The following NBPF14 variants were observed in gnomAD, a reference collection of about 807,000 sequenced individuals.
NBPF14 encodes NBPF member 14, also known as NBPF family member NBPF14.
In NBPF14, 104 loss-of-function variants were observed where a neutral mutation model predicts 91.2. That is an observed-to-expected ratio of 1.14 (90% CI 0.97 to 1.34). The LOEUF (loss-of-function observed/expected upper bound fraction) is 1.34. NBPF14 is among the 40% of genes most tolerant of loss of function. NBPF14 has a pLI of 0.00. For missense variants in NBPF14, 908 were observed against 783.0 expected (o/e 1.16, Z -1.91); for synonymous variants, 294 against 303.8 (o/e 0.97, Z 0.34).
At chr1:148,585,145 G>A (rs1454103639) in exon 10 of NBPF14, 3 of 1,514,122 alleles carry the variant, frequency 2.0e-6, no homozygotes, top group Non-Finnish European at 2.7e-6. Context: ...TGTTACCTGG[G>A]GGCAGACGAT....
At chr1:148,572,716 A>T in intron 20 of NBPF14, 101 bp from the exon 21 acceptor site, 2 of 644,872 alleles carry the variant, frequency 3.1e-6, no homozygotes, top group Admixed American at 2.1e-5. Context: ...TTTGAAAAGA[A>T]AAAGGACAGA....
Position 148,572,436 on chromosome 1 carries a change from T to G in NBPF14, c.2758+7A>C. 4.1e-6 allele frequency: 2 copies of G among 489,078 alleles called. No homozygotes were observed. The highest frequency in any genetic ancestry group is 6.9e-6 in the Non-Finnish European group (2 of 288,276). The allele number at this position is 489,078 out of a possible 1,614,324, so 30.3% of individuals were successfully genotyped here. On this transcript the variant is annotated splice_region_variant and intron_variant, in intron 21 of 70. Transcript: ENST00000619423. ...GAGGCTTATCACCTTCACAGTAAGG[T>G]ACTCACTGTCCACGTCAAGAGCCAA...
chr1:148,589,760 TCTCA>T (rs1168484562), intron 6 of NBPF14, among the ~76,000 whole-genome samples: 1 of 145,784 alleles, frequency 6.9e-6, no homozygotes, highest in Non-Finnish European at 1.5e-5. Context: ...TGAGACGGAG[TCTCA>T]CTCTGTCACG....
At position 148,534,745 on chromosome 1, in the gene NBPF14, G is replaced by C. The variant is rs1455128881; in HGVS notation, c.8553C>G (p.Pro2851=). 4.0e-5 allele frequency: 33 copies of C among 826,110 alleles called. No homozygotes were observed. The East Asian group carries it at 7.5e-4, about 19-fold the overall frequency. 51.2% of individuals were successfully genotyped at this position (826,110 alleles called of 1,614,324 possible). The stretch of plus-strand genomic sequence containing the variant: ...CCAATGAGTAAACAGCACTGCTGTA[G>C]GGCTGGCCTAAGTCAGGCAGTTCAA... The change falls in exon 69 of 71, where the codon CCC becomes CCG. Residue 2851 remains proline, a synonymous_variant. Transcript: ENST00000619423.
chr1:148,577,040 A>G (rs1227795098), intron 15 of NBPF14, 143 bp downstream of exon 15: 1 of 642,004 alleles, frequency 1.6e-6, no homozygotes, highest in African/African-American at 1.8e-5. Context: ...GTGGAACTAG[A>G]GTTTCATTCA....
At chr1:148,534,493 C>G (rs1379020764) in intron 69 of NBPF14, among the ~76,000 whole-genome samples, 191 bp downstream of exon 69, 1 of 151,800 alleles carries the variant, frequency 6.6e-6, no homozygotes, top group African/African-American at 2.4e-5. Flanking sequence ...GGAAGAGAGT[C>G]TTGCTCACTG....
rs1317254740 is a variant in NBPF14 at position 148,595,401 on chromosome 1, C to A, written c.175+142G>T. The A allele has an allele frequency of 7.5e-6, 8 of 1,069,174 alleles. 1 individual carries two copies. The highest frequency in any genetic ancestry group is 9.6e-6 in the Non-Finnish European group (7 of 730,866). The allele number at this position is 1,069,174 out of a possible 1,614,324, so 66.2% of individuals were successfully genotyped here. On this transcript the variant is annotated intron_variant, in intron 2 of 70. Coordinates refer to ENST00000619423, the Ensembl canonical transcript of NBPF14. ...TGGCACCTCTGTCTTCCAACTTTAA[C>A]AAAATGTTAAAATACCCATTTCTGT...
chr1:148,572,390 C>T lies in NBPF14; in HGVS notation c.2758+53G>A, dbSNP rs1306159154. 9.8e-5 allele frequency: 39 copies of T among 398,228 alleles called. 3 individuals are homozygous for T. The East Asian group carries it at 1.5e-3, about 15-fold the overall frequency. 24.7% of individuals were successfully genotyped at this position (398,228 alleles called of 1,614,324 possible). On this transcript the variant is annotated intron_variant, in intron 21 of 70. Transcript: ENST00000619423. Reference sequence around the variant, plus strand: ...GGGGCACTTGGAACAGGAATATCACCCCTATCTGGAAGACCAGGTGGAGGC... The same window carrying T: ...GGGGCACTTGGAACAGGAATATCACTCCTATCTGGAAGACCAGGTGGAGGC...
chr1:148,585,967 C>T (rs1395984406), intron 9 of NBPF14, among the ~76,000 whole-genome samples: 1 of 151,120 alleles, frequency 6.6e-6, no homozygotes, highest in African/African-American at 2.4e-5. Context: ...CTCTAACAAG[C>T]CTGCTCCCAT....
intron 28 of NBPF14, 151 bp from the exon 29 acceptor site, chr1:148,566,466 G>A (rs1157809366): frequency 5.0e-6 from 3 of 598,146 alleles, no homozygotes; most frequent in Admixed American, 5.8e-5. Context: ...TTCATGTTGG[G>A]ACAGAACAGG....
At chr1:148,560,203 G>C (rs1483769506) in intron 36 of NBPF14, among the ~76,000 whole-genome samples, 2 of 151,280 alleles carry the variant, frequency 1.3e-5, no homozygotes, top group African/African-American at 4.9e-5. Flanking sequence ...CAGAGAGAAA[G>C]TGACCTAGTG....
Position 148,559,974 on chromosome 1 carries a change from G to A in NBPF14, c.4557-9C>T. The A allele has an allele frequency of 7.8e-7, 1 of 1,281,484 alleles. No homozygotes were observed. Among genetic ancestry groups the A allele is most frequent in the Non-Finnish European group, 1.1e-6 (1 of 912,998 alleles). The allele number at this position is 1,281,484 out of a possible 1,614,324, so 79.4% of individuals were successfully genotyped here. ...GCAGCTCCCTGCTGAGCCTGGAAAA[G>A]TGGAAAAAAGTAAAGAATAAGCCAG... On this transcript the variant is annotated splice_polypyrimidine_tract_variant and intron_variant, in intron 36 of 70. Coordinates refer to ENST00000619423, the Ensembl canonical transcript of NBPF14.
In NBPF14 at chr1:148,535,240, G is replaced by C. The variant is rs1452767222; in HGVS notation, c.8441+213C>G. Among the ~76,000 whole-genome samples the C allele has an allele frequency of 4.0e-5, 6 of 150,724 alleles. 1 individual carries two copies. The highest frequency in any genetic ancestry group is 7.4e-5 in the African/African-American group (3 of 40,424). On this transcript the variant is annotated intron_variant, in intron 68 of 70. Coordinates refer to ENST00000619423, the Ensembl canonical transcript of NBPF14. ...TCCATACAGTTGCCATACAGCCTTT[G>C]AGGTATGGTCAACCTACAGTAAGTG... is the stretch of plus-strand genomic sequence containing the variant.
In NBPF14 at chr1:148,533,444, C is replaced by CAG. The variant is rs1207126634; in HGVS notation, c.8724-198_8724-197dup. Among the ~76,000 whole-genome samples, 1,444 of 147,154 alleles carry CAG rather than the reference C, an allele frequency of 9.8e-3. 1 individual carries two copies. Among genetic ancestry groups the CAG allele is most frequent in the Non-Finnish European group, 0.015 (997 of 65,044 alleles). ...GGTAGAAAACAATGAAAGAGAAAGA[C>CAG]AGAGAGAGAGAGACAGAGACAGAGA... On this transcript the variant is annotated intron_variant, in intron 70 of 70. Transcript: ENST00000619423.
At chr1:148,536,072 T>C (rs1301387896) in intron 67 of NBPF14, among the ~76,000 whole-genome samples, 152 bp downstream of exon 67, 1 of 149,644 alleles carries the variant, frequency 6.7e-6, no homozygotes, top group Non-Finnish European at 1.5e-5. Flanking sequence ...GGCTTCCAAG[T>C]GGAACTAGAG....
At chr1:148,561,960 T>A (rs1369887602) in intron 34 of NBPF14, among the ~76,000 whole-genome samples, 1 of 79,226 alleles carries the variant, frequency 1.3e-5, no homozygotes, top group East Asian at 5.8e-4. Flanking sequence ...CTGTGCTCAA[T>A]AATTTTCCAT....
intron 12 of NBPF14, among the ~76,000 whole-genome samples, chr1:148,579,810 C>T (rs1425275060): frequency 2.6e-5 from 4 of 152,158 alleles, no homozygotes; most frequent in African/African-American, 7.2e-5. Flanking sequence ...GTTTGAGGGT[C>T]TGGAGTGGAC....
At chr1:148,532,134 TCTC>T (rs1385884110) in exon 71 of NBPF14, 2 of 151,710 alleles carry the variant, frequency 1.3e-5, no homozygotes, top group Admixed American at 6.5e-5. Flanking sequence ...AAATATCTCT[TCTC>T]CTTTTTGTTG....
chr1:148,559,966 C>A lies in NBPF14; in HGVS notation c.4557-1G>T, dbSNP rs1457544833. The A allele has an allele frequency of 1.4e-4, 181 of 1,337,282 alleles. 3 individuals are homozygous for A. The highest frequency in any genetic ancestry group is 1.7e-4 in the Non-Finnish European group (165 of 964,408). The allele number at this position is 1,337,282 out of a possible 1,614,324, so 82.8% of individuals were successfully genotyped here. A position where few individuals can be genotyped will look rare whatever the true frequency, so the allele number is the denominator to read the frequency against. On this transcript the variant is annotated splice_acceptor_variant, in intron 36 of 70. Coordinates refer to ENST00000619423, the Ensembl canonical transcript of NBPF14. LOFTEE classifies it high-confidence loss of function. ...CTCATGCAGCAGCTCCCTGCTGAGC[C>A]TGGAAAAGTGGAAAAAAGTAAAGAA... is the stretch of plus-strand genomic sequence containing the variant.
Sources: gnomAD v4.1 joint callset for allele counts (sites outside exome capture counted in the v4.1 genomes callset) on GRCh38, gnomAD v4.1.1 for gene constraint, MANE v1.5 for transcripts, NCBI Gene and HGNC (gene_info 2026-07-23, HGNC 2026-07-21) for gene names.